KIF27: variants seen among roughly 807,000 people sequenced by gnomAD.
KIF27 encodes the protein kinesin-like protein KIF27.
In KIF27, 84 loss-of-function variants were observed where a neutral mutation model predicts 141.8. That is an observed-to-expected ratio of 0.59 (90% confidence interval 0.50 to 0.71). The LOEUF is 0.71. Ranked by LOEUF, KIF27 falls within the 30% of genes least tolerant of loss-of-function variation. KIF27 has a pLI of 0.00. For synonymous variants in KIF27, 471 were observed against 569.5 expected, an observed-to-expected ratio of 0.83 and a Z score of 2.46; for missense variants, 1,306 against 1,628.4, an observed-to-expected ratio of 0.80 and a Z score of 3.41.
intron 16 of KIF27, among the ~76,000 whole-genome samples, chr9:83,848,179 ATATAT>A: frequency 2.8e-5 from 1 of 35,586 alleles, no homozygotes; most frequent in South Asian, 9.0e-4. Context: ...CTGATATATC[ATATAT>A]GATATATATG....
intron 1 of KIF27, among the ~76,000 whole-genome samples, 154 bp downstream of exon 1, chr9:83,921,217 C>A (rs943695845): frequency 6.6e-6 from 1 of 152,070 alleles, no homozygotes; most frequent in Non-Finnish European, 1.5e-5. Flanking sequence ...CCGCTACCCA[C>A]CCGCGGCGGC....
chr9:83,840,489 C>T (rs1315689539), intron 17 of KIF27, among the ~76,000 whole-genome samples: 1 of 151,980 alleles, frequency 6.6e-6, no homozygotes, highest in Non-Finnish European at 1.5e-5. Context: ...ATCCAGATTT[C>T]TTAAACCTGT....
intron 10 of KIF27, among the ~76,000 whole-genome samples, chr9:83,882,690 C>T (rs1237584118): frequency 1.3e-5 from 2 of 152,102 alleles, no homozygotes; most frequent in African/African-American, 4.8e-5. Flanking sequence ...AAGTTCTACA[C>T]CTTTCATTTT....
intron 3 of KIF27, among the ~76,000 whole-genome samples, chr9:83,904,442 C>T (rs1954281018): frequency 6.6e-6 from 1 of 152,128 alleles, no homozygotes; most frequent in Admixed American, 6.6e-5. Context: ...ACAATCTTGG[C>T]TCACTGCAAC....
In KIF27 at chr9:83,859,095, G is replaced by A. The variant is rs1204779713; in HGVS notation, c.3150+61C>T. On this transcript the variant is annotated intron_variant, in intron 14 of 17. Transcript: ENST00000297814. ...TATTTATGATTATGTGAAAAAGACT[G>A]AGGAAATCACTCAAGTGATCCATCA... 9 of 1,110,322 alleles carry A rather than the reference G, an allele frequency of 8.1e-6. No individual in the cohort carries two copies. The African/African-American group carries it at 1.1e-4, about 13-fold the overall frequency. The allele number at this position is 1,110,322 out of a possible 1,614,324, so 68.8% of individuals were successfully genotyped here. A position where few individuals can be genotyped will look rare whatever the true frequency, so the allele number is the denominator to read the frequency against.
chr9:83,851,246 C>T (rs1948550468), intron 15 of KIF27, among the ~76,000 whole-genome samples: 1 of 152,156 alleles, frequency 6.6e-6, no homozygotes, highest in African/African-American at 2.4e-5. Context: ...TTTCTCTAGT[C>T]TAAGTGGATA....
intron 9 of KIF27, among the ~76,000 whole-genome samples, chr9:83,885,642 T>G (rs867039320): frequency 6.6e-6 from 1 of 152,180 alleles, no homozygotes; most frequent in Non-Finnish European, 1.5e-5. Context: ...CATGTTTATT[T>G]TATTTTTTTG....
intron 16 of KIF27, among the ~76,000 whole-genome samples, chr9:83,848,084 CATATATATG>C (rs1262239520): frequency 1.1e-4 from 6 of 54,410 alleles, no homozygotes; most frequent in Admixed American, 6.0e-4. Flanking sequence ...TATGATATAT[CATATATATG>C]ATATATATGA....
rs1335084537 is a variant in KIF27, at chr9:83,899,742, C to G, written c.1521G>C (p.Lys507Asn). The G allele has an allele frequency of 1.2e-6, 2 of 1,613,390 alleles. No homozygotes were observed. Among genetic ancestry groups the G allele is most frequent in the African/African-American group, 1.3e-5 (1 of 74,900 alleles). Residue 507 changes from lysine to asparagine, a missense_variant, in exon 5 of 18, where the codon AAG (lysine) becomes AAC (asparagine). Lys to Asn is a moderately conservative substitution (Grantham distance 94). Coordinates refer to ENST00000297814, the MANE Select transcript of KIF27 (RefSeq NM_017576.4). ...NQKELEVKEL[K>N]NQVQMMVQEN... ...CCTGTACCATCATCTGCACTTGATTCTTCAGTTCCTTCACCTCCAGTTCCT... is the reference window on the plus strand; with the variant it reads ...CCTGTACCATCATCTGCACTTGATTGTTCAGTTCCTTCACCTCCAGTTCCT...
Position 83,834,710 on chromosome 9 carries a change from C to T in KIF27, c.*2291G>A, listed in dbSNP as rs1945610171. On this transcript the variant is annotated 3_prime_UTR_variant, in exon 18 of 18. Transcript: ENST00000297814. ...ATAAGGAACTTATTATTAGGATCTT[C>T]ATTAATAAATATTTATTTATAAATA... Among the ~76,000 whole-genome samples the T allele has an allele frequency of 6.6e-6, 1 of 151,232 alleles. No individual in the cohort carries two copies.
chr9:83,856,698 G>A (rs1212415308), intron 14 of KIF27, among the ~76,000 whole-genome samples: 4 of 141,944 alleles, frequency 2.8e-5, no homozygotes, highest in Non-Finnish European at 6.0e-5. Flanking sequence ...CTGAGATCAC[G>A]CCACTGCACT....
intron 2 of KIF27, among the ~76,000 whole-genome samples, chr9:83,911,869 G>A (rs1380950953): frequency 6.6e-6 from 1 of 152,184 alleles, no homozygotes; most frequent in Non-Finnish European, 1.5e-5. Flanking sequence ...CAAACTAAAA[G>A]AGACAGAAAG....
intron 3 of KIF27, among the ~76,000 whole-genome samples, chr9:83,904,987 TAAAAG>T (rs1248294984): frequency 6.6e-6 from 1 of 151,312 alleles, no homozygotes; most frequent in African/African-American, 2.4e-5. Flanking sequence ...AGATGGCAAT[TAAAAG>T]AAAACACTTT....
In KIF27 at chr9:83,836,254, G is replaced by GA. The variant is rs749896268; in HGVS notation, c.*746_*747insT. Among the ~76,000 whole-genome samples the GA allele has an allele frequency of 1.8e-3, 271 of 152,030 alleles. No individual in the cohort carries two copies. Among genetic ancestry groups the GA allele is most frequent in the Admixed American group, 5.4e-3 (82 of 15,262 alleles). ...TCTCTTGAAATGTTAGAATGCTTTA[G>GA]TTTTATTCTATAATTTCCGTGTTCC... On this transcript the variant is annotated 3_prime_UTR_variant, in exon 18 of 18. Coordinates refer to ENST00000297814, the MANE Select transcript of KIF27 (RefSeq NM_017576.4).
Position 83,903,617 on chromosome 9 carries a change from G to A in KIF27, c.901C>T (p.Leu301Phe). 1 of 1,614,136 alleles carries A rather than the reference G, an allele frequency of 6.2e-7. No homozygotes were observed. The part of the protein sequence containing the change: ...IPYRDAKITR[L>F]LKDSLGGSAK... ...CTGCCTCCCAGAGAATCTTTCAGAA[G>A]CCGGGTAATTTTAGCATCCCTATAT... is the stretch of plus-strand genomic sequence containing the variant. The change falls in exon 4 of 18, where the codon CTT becomes TTT. Residue 301 changes from leucine (L) to phenylalanine (F), a missense_variant. By Grantham distance (22) the Leu-to-Phe change is conservative. Coordinates refer to ENST00000297814, the MANE Select transcript of KIF27 (RefSeq NM_017576.4).
chr9:83,864,039 T>C (rs1950160978), intron 13 of KIF27, among the ~76,000 whole-genome samples: 1 of 152,170 alleles, frequency 6.6e-6, no homozygotes, highest in Admixed American at 6.5e-5. Flanking sequence ...TTATCATTTT[T>C]TATTGCGTCT....
At chr9:83,868,123 C>G in intron 12 of KIF27, 1 of 327,852 alleles carries the variant, frequency 3.1e-6, no homozygotes, top group African/African-American at 2.2e-5. Context: ...GAAGAAAGGG[C>G]TGATAATTTT....
At chr9:83,868,012 A>G (rs1950508709) in intron 12 of KIF27, 152 bp from the exon 13 acceptor site, 1 of 725,484 alleles carries the variant, frequency 1.4e-6, no homozygotes, top group South Asian at 2.4e-5. Context: ...GAGATCCTAA[A>G]GACATCAGTG....
rs1025100421 is a variant in KIF27 at position 83,870,399 on chromosome 9, G to A, written c.2757+120C>T. 39 of 1,392,042 alleles carry A rather than the reference G, an allele frequency of 2.8e-5. No homozygotes were observed. In the South Asian group the frequency reaches 3.3e-4, roughly 12 times the overall value. The allele number at this position is 1,392,042 out of a possible 1,614,324, so 86.2% of individuals were successfully genotyped here. The stretch of plus-strand genomic sequence containing the variant: ...CCAGGCTGGTCTTGAACTCCTGACC[G>A]CAGGTGATCCACCCACCTCGGCGTC... On this transcript the variant is annotated intron_variant, in intron 12 of 17. Coordinates refer to ENST00000297814, the MANE Select transcript of KIF27 (RefSeq NM_017576.4).
Sources: allele counts gnomAD v4.1 joint callset (sites outside exome capture counted in the v4.1 genomes callset), GRCh38; gene constraint gnomAD v4.1.1; transcripts MANE v1.5; gene names NCBI Gene and HGNC (gene_info 2026-07-23, HGNC 2026-07-21).